Variants in TYW1B observed in about 807,000 individuals in gnomAD.
TYW1B encodes the protein tRNA-yW synthesizing protein 1 homolog B.
Under a neutral mutation model 86.9 loss-of-function variants are expected in TYW1B, and 73 were observed. The observed-to-expected ratio is 0.84, with a 90% CI of 0.70 to 1.02. The LOEUF (loss-of-function observed/expected upper bound fraction) is 1.02, where lower values mean the gene tolerates loss of function less well. Among genes scored for constraint, TYW1B ranks in the 50% least tolerant of loss-of-function variants. The probability of loss-of-function intolerance (pLI) is 0.00; values close to 1 mark genes in which losing one functional copy is unlikely to be tolerated. For synonymous variants in TYW1B, 248 were observed against 292.8 expected, an observed-to-expected ratio of 0.85 and a Z score of 1.56; for missense variants, 637 against 827.4, an observed-to-expected ratio of 0.77 and a Z score of 2.82.
chr7:72,581,325 C>A (rs1272808232), intron 13 of TYW1B, among the ~76,000 whole-genome samples: 18 of 150,858 alleles, frequency 1.2e-4, no homozygotes, highest in Admixed American at 9.3e-4. Flanking sequence ...AATGAGAAGA[C>A]CCTACTGACC....
chr7:72,817,390 A>G (rs1288352280), intron 2 of TYW1B, among the ~76,000 whole-genome samples: 1 of 152,078 alleles, frequency 6.6e-6, no homozygotes, highest in East Asian at 1.9e-4. Context: ...CCTAGACAAC[A>G]GAGCGAGACT....
rs538243325 is a variant in TYW1B, at chr7:72,758,112, A to G, written c.965-13511T>C. ...GCGTGCGCCTGTAATCCCAGTTACT[A>G]GGGAGGCCGAGGCAGGAGAATCCCT... On this transcript the variant is annotated intron_variant, in intron 7 of 13. Coordinates refer to ENST00000620995, the MANE Select transcript of TYW1B (RefSeq NM_001145440.3). 2.0e-5 allele frequency among the ~76,000 whole-genome samples: 3 copies of G among 152,156 alleles called. No individual in the cohort carries two copies. In the East Asian group the frequency reaches 5.8e-4, roughly 29 times the overall value.
chr7:72,632,424 A>T (rs183369289), intron 11 of TYW1B, among the ~76,000 whole-genome samples: 1,399 of 77,540 alleles, frequency 0.018, 24 homozygotes, highest in East Asian at 0.046. Flanking sequence ...TATATATATA[A>T]AATATATATA....
chr7:72,713,431 T>G (rs1786716331), intron 10 of TYW1B, among the ~76,000 whole-genome samples, 190 bp downstream of exon 10: 1 of 152,158 alleles, frequency 6.6e-6, no homozygotes, highest in Non-Finnish European at 1.5e-5. Context: ...GCCTCTAGTC[T>G]TTTTACTAAT....
chr7:72,590,637 A>C (rs1393685484), intron 13 of TYW1B, among the ~76,000 whole-genome samples: 2 of 152,246 alleles, frequency 1.3e-5, no homozygotes, highest in African/African-American at 4.8e-5. Flanking sequence ...CCTCGGGCTG[A>C]TCCTTGGCAC....
intron 11 of TYW1B, among the ~76,000 whole-genome samples, chr7:72,634,408 C>T (rs1390361204): frequency 6.9e-6 from 1 of 145,848 alleles, no homozygotes; most frequent in Non-Finnish European, 1.5e-5. Flanking sequence ...AGGCTGGTCT[C>T]GAACTCTTGG....
chr7:72,703,544 T>G (rs1349965374), intron 10 of TYW1B, among the ~76,000 whole-genome samples: 1 of 152,052 alleles, frequency 6.6e-6, no homozygotes, highest in Non-Finnish European at 1.5e-5. Context: ...GTGAACAAGT[T>G]CTGTGCTCTT....
intron 11 of TYW1B, among the ~76,000 whole-genome samples, chr7:72,636,934 T>C (rs1485054155): frequency 6.6e-6 from 1 of 152,140 alleles, no homozygotes; most frequent in African/African-American, 2.4e-5. Flanking sequence ...CCCAGCACTT[T>C]CGGAGGCTGA....
chr7:72,772,131 G>GAGCC (rs1158561525), intron 7 of TYW1B, among the ~76,000 whole-genome samples: 3 of 151,540 alleles, frequency 2.0e-5, no homozygotes, highest in Non-Finnish European at 4.4e-5. Context: ...TTACAAGCGT[G>GAGCC]AGCCACCACA....
chr7:72,811,932 AAAAGG>A (rs1364529818), intron 3 of TYW1B, among the ~76,000 whole-genome samples: 81 of 131,308 alleles, frequency 6.2e-4, no homozygotes, highest in African/African-American at 2.0e-3. Flanking sequence ...AAAAAAAAAA[AAAAGG>A]AAAAGAAAAG....
In TYW1B at chr7:72,719,688, G is replaced by A. The variant is rs1301623102; in HGVS notation, c.1193-5890C>T. ...AGGCACGTGGAGAAGAAAAGAAAGA[G>A]CAGGGCAATGAAGATGTGGGGTGCC... is the stretch of plus-strand genomic sequence containing the variant. On this transcript the variant is annotated intron_variant, in intron 9 of 13. Coordinates refer to ENST00000620995, the MANE Select transcript of TYW1B (RefSeq NM_001145440.3). Among the ~76,000 whole-genome samples, 25 of 149,904 alleles carry A rather than the reference G, an allele frequency of 1.7e-4. 1 individual carries two copies. The highest frequency in any genetic ancestry group is 5.9e-5 in the Non-Finnish European group (4 of 67,602).
rs563638610 is a variant in TYW1B, at chr7:72,678,921, C to T, written c.1506+15766G>A. 2.6e-5 allele frequency among the ~76,000 whole-genome samples: 4 copies of T among 151,446 alleles called. No individual in the cohort carries two copies. In the South Asian group the frequency reaches 8.4e-4, roughly 32 times the overall value. On this transcript the variant is annotated intron_variant, in intron 11 of 13. Transcript: ENST00000620995. ...AGACAAGCTGGGCAACATAGTGAGA[C>T]TCCATCTGTACAAGTTAAAGAATCA...
intron 10 of TYW1B, among the ~76,000 whole-genome samples, chr7:72,710,187 A>T (rs1226415420): frequency 6.6e-6 from 1 of 152,198 alleles, no homozygotes; most frequent in Non-Finnish European, 1.5e-5. Context: ...TTTGCAAAAA[A>T]TTACTATATC....
intron 6 of TYW1B, among the ~76,000 whole-genome samples, chr7:72,786,282 TTG>T (rs1788128138): frequency 6.6e-6 from 1 of 152,120 alleles, no homozygotes. Flanking sequence ...TAGCTTATTT[TTG>T]TGTCATACTA....
At chr7:72,636,941 C>G (rs1209692223) in intron 11 of TYW1B, among the ~76,000 whole-genome samples, 1 of 152,136 alleles carries the variant, frequency 6.6e-6, no homozygotes, top group East Asian at 1.9e-4. Flanking sequence ...CTTTCGGAGG[C>G]TGAGGCAGGT....
At chr7:72,660,796 TAA>T (rs1267500535) in intron 11 of TYW1B, among the ~76,000 whole-genome samples, 1 of 151,930 alleles carries the variant, frequency 6.6e-6, no homozygotes, top group Non-Finnish European at 1.5e-5. Context: ...AAGTAAGAAT[TAA>T]AAGACAAAAC....
At chr7:72,813,411 G>A (rs548572458) in intron 3 of TYW1B, among the ~76,000 whole-genome samples, 4 of 152,106 alleles carry the variant, frequency 2.6e-5, no homozygotes, top group African/African-American at 4.8e-5. Context: ...CCTGACCACA[G>A]GTGATCCACC....
chr7:72,630,735 A>G (rs1275040931), intron 11 of TYW1B, among the ~76,000 whole-genome samples: 2 of 152,214 alleles, frequency 1.3e-5, no homozygotes, highest in Non-Finnish European at 2.9e-5. Context: ...AAAATGCAGT[A>G]TATCATGCAA....
intron 11 of TYW1B, among the ~76,000 whole-genome samples, chr7:72,671,363 T>C (rs1283211183): frequency 3.3e-5 from 5 of 152,330 alleles, no homozygotes; most frequent in Non-Finnish European, 7.4e-5. Context: ...GAACCATAAC[T>C]TATTTTAACT....
Sources: allele counts gnomAD v4.1 joint callset (sites outside exome capture counted in the v4.1 genomes callset), GRCh38; gene constraint gnomAD v4.1.1; transcripts MANE v1.5; gene names NCBI Gene and HGNC (gene_info 2026-07-23, HGNC 2026-07-21).